The following ACKR3 variants were observed in gnomAD, a reference collection of about 807,000 sequenced individuals.
The protein encoded by ACKR3 is atypical chemokine receptor 3, also known as C-X-C chemokine receptor type 7.
A neutral mutation model predicts 22.4 loss-of-function variants in ACKR3; 6 were observed. That is an observed-to-expected ratio of 0.27 (90% CI 0.15 to 0.53). ACKR3 has a LOEUF of 0.53. Among genes scored for constraint, ACKR3 ranks in the 20% least tolerant of loss-of-function variants. ACKR3 has a pLI of 0.96. For synonymous variants in ACKR3, 209 were observed against 205.2 expected, an observed-to-expected ratio of 1.02 and a Z score of -0.16; for missense variants, 396 against 475.2, an observed-to-expected ratio of 0.83 and a Z score of 1.55.
At chr2:236,580,279 T>C (rs1007121586) in intron 1 of ACKR3, among the ~76,000 whole-genome samples, 161 bp from the exon 2 acceptor site, 1 of 152,230 alleles carries the variant, frequency 6.6e-6, no homozygotes, top group East Asian at 1.9e-4. Flanking sequence ...AGTTTTATTA[T>C]GAATTTTTTT....
At chr2:236,550,686 T>A in the ACKR3 span, among the ~76,000 whole-genome samples, 3 of 152,158 alleles carry the variant, frequency 2.0e-5, no homozygotes, top group African/African-American at 4.8e-5. The surrounding 1 kb of genome is among the most constrained non-coding windows in gnomAD (Gnocchi z 4.6). Context: ...GCATGAAACC[T>A]CTCGGAGCCT....
chr2:236,542,619 G>T, the ACKR3 span, among the ~76,000 whole-genome samples: 1 of 152,050 alleles, frequency 6.6e-6, no homozygotes. Context: ...GGGCGCCCTG[G>T]GCTGTATGTC....
the ACKR3 span, among the ~76,000 whole-genome samples, chr2:236,558,706 T>C: frequency 6.6e-6 from 1 of 152,336 alleles, no homozygotes; most frequent in South Asian, 2.1e-4. Flanking sequence ...TCTTTGTTCT[T>C]TACCTTGAAA....
the ACKR3 span, among the ~76,000 whole-genome samples, chr2:236,540,332 A>G: frequency 6.6e-6 from 1 of 151,698 alleles, no homozygotes; most frequent in Non-Finnish European, 1.5e-5. Context: ...GTATGTAAAT[A>G]AATTTTGTGT....
At chr2:236,544,520 TG>T in the ACKR3 span, among the ~76,000 whole-genome samples, 1 of 151,968 alleles carries the variant, frequency 6.6e-6, no homozygotes, top group South Asian at 2.1e-4. This position sits in a 1 kb window ranked among gnomAD's most constrained non-coding sequence, Gnocchi z 5.0. Context: ...GGGGCTGCTG[TG>T]CGAGCACAGG....
At chr2:236,539,238 TTGTG>T in the ACKR3 span, among the ~76,000 whole-genome samples, 2 of 150,238 alleles carry the variant, frequency 1.3e-5, no homozygotes, top group African/African-American at 4.9e-5. Context: ...ATAGACACAT[TTGTG>T]TGTGTGTGTG....
rs1450327408 is a variant in ACKR3 at position 236,574,467 on chromosome 2, G to A, written c.-27+4543G>A. 1.3e-5 allele frequency among the ~76,000 whole-genome samples: 2 copies of A among 152,142 alleles called. No individual in the cohort carries two copies. The highest frequency in any genetic ancestry group is 1.9e-4 in the East Asian group (1 of 5,174). ...ATTCCAGAATAGAGATGTGCAGTGT[G>A]GGGCCAGGAGAAGGTGGGAGAATCA... is the stretch of plus-strand genomic sequence containing the variant. On this transcript the variant is annotated intron_variant, in intron 1 of 1. Coordinates refer to ENST00000272928, the MANE Select transcript of ACKR3 (RefSeq NM_020311.3). The surrounding 1 kb of genome is among the most constrained non-coding windows in gnomAD (Gnocchi z 5.6).
the ACKR3 span, among the ~76,000 whole-genome samples, chr2:236,538,221 T>G: frequency 6.6e-6 from 1 of 152,308 alleles, no homozygotes; most frequent in African/African-American, 2.4e-5. Flanking sequence ...GTGGCCATAA[T>G]CCCTGACTTG....
chr2:236,575,337 A>C (rs1691386719), intron 1 of ACKR3, among the ~76,000 whole-genome samples: 1 of 152,088 alleles, frequency 6.6e-6, no homozygotes, highest in Admixed American at 6.5e-5. Context: ...ACATATAAAA[A>C]TACACAAATG....
chr2:236,546,749 G>A, the ACKR3 span, among the ~76,000 whole-genome samples: 2 of 152,220 alleles, frequency 1.3e-5, no homozygotes, highest in African/African-American at 2.4e-5. This position sits in a 1 kb window ranked among gnomAD's most constrained non-coding sequence, Gnocchi z 4.9. Context: ...GGGACTGGGC[G>A]ACCCAGCCCA....
the ACKR3 span, among the ~76,000 whole-genome samples, chr2:236,540,735 A>G: frequency 3.9e-5 from 6 of 152,220 alleles, no homozygotes; most frequent in Non-Finnish European, 8.8e-5. Flanking sequence ...TTTTTCCTCC[A>G]TTTACTGAAG....
the ACKR3 span, among the ~76,000 whole-genome samples, chr2:236,552,213 G>A: frequency 2.0e-5 from 3 of 152,196 alleles, no homozygotes; most frequent in East Asian, 5.8e-4. Context: ...AGAGTGAAAA[G>A]GGAGGGAGAC....
At chr2:236,551,023 C>T in the ACKR3 span, among the ~76,000 whole-genome samples, 1 of 152,192 alleles carries the variant, frequency 6.6e-6, no homozygotes, top group Non-Finnish European at 1.5e-5. Context: ...GCCTTCTTCC[C>T]TGTGGAAGTT....
chr2:236,569,056 G>A (rs183244499), upstream of ACKR3, among the ~76,000 whole-genome samples: 307 of 152,248 alleles, frequency 2.0e-3, no homozygotes, highest in African/African-American at 7.2e-3. Flanking sequence ...TTAGCAATAC[G>A]CATCCAAATA....
At chr2:236,544,158 T>A in the ACKR3 span, among the ~76,000 whole-genome samples, 6 of 150,820 alleles carry the variant, frequency 4.0e-5, no homozygotes, top group Non-Finnish European at 8.9e-5. The surrounding 1 kb of genome is among the most constrained non-coding windows in gnomAD (Gnocchi z 5.0). Flanking sequence ...CCCGGCTAAT[T>A]TTTGTATTTT....
chr2:236,541,914 C>T, the ACKR3 span, among the ~76,000 whole-genome samples: 1 of 152,118 alleles, frequency 6.6e-6, no homozygotes, highest in Non-Finnish European at 1.5e-5. Flanking sequence ...GATTGTGAGG[C>T]CTCTCCAGCC....
the ACKR3 span, among the ~76,000 whole-genome samples, chr2:236,552,675 A>G: frequency 6.6e-6 from 1 of 152,210 alleles, no homozygotes; most frequent in African/African-American, 2.4e-5. Context: ...ATTTGGTTTC[A>G]AAGGAATATT....
rs1253336354 is a variant in ACKR3 at position 236,580,439 on chromosome 2, G to A, written c.-26-1G>A. On this transcript the variant is annotated splice_acceptor_variant, in intron 1 of 1. Transcript: ENST00000272928. LOFTEE classifies it low-confidence loss of function (5UTR_SPLICE). Reference sequence around the variant, plus strand: ...TTTTTGTTTGCTTGGTTTTCTCATAGGTCATTTGATTGCCCGCCTCAGAAC... The same window carrying A: ...TTTTTGTTTGCTTGGTTTTCTCATAAGTCATTTGATTGCCCGCCTCAGAAC... 11 of 1,590,786 alleles carry A rather than the reference G, an allele frequency of 6.9e-6. No homozygotes were observed. Among genetic ancestry groups the A allele is most frequent in the Non-Finnish European group, 9.5e-6 (11 of 1,163,370 alleles).
At chr2:236,542,080 T>C in the ACKR3 span, among the ~76,000 whole-genome samples, 1 of 152,252 alleles carries the variant, frequency 6.6e-6, no homozygotes, top group Admixed American at 6.5e-5. Context: ...TGTATGCTAC[T>C]GCAAGTTAAT....
Sources: allele counts gnomAD v4.1 joint callset (sites outside exome capture counted in the v4.1 genomes callset), GRCh38; gene constraint gnomAD v4.1.1; non-coding constraint Gnocchi (gnomAD v3.1); transcripts MANE v1.5; gene names NCBI Gene and HGNC (gene_info 2026-07-23, HGNC 2026-07-21).